The following EIF4E3 variants were observed in gnomAD, a reference collection of about 807,000 sequenced individuals.
The protein encoded by EIF4E3 is eukaryotic translation initiation factor 4E type 3.
EIF4E3 carries 26 observed loss-of-function variants against 31.7 expected under a neutral mutation model. That is an observed-to-expected ratio of 0.82 (90% CI 0.60 to 1.14). EIF4E3 has a LOEUF of 1.14. Among genes scored for constraint, EIF4E3 ranks in the 50% most tolerant of loss-of-function variants. The pLI is 0.00. For synonymous variants in EIF4E3, 128 were observed against 107.7 expected (o/e 1.19, Z -1.17); for missense variants, 304 against 270.9 (o/e 1.12, Z -0.86).
At chr3:71,696,594 T>G in intron 3 of EIF4E3, 74 bp from the exon 4 acceptor site, 24 of 1,532,976 alleles carry the variant, frequency 1.6e-5, no homozygotes, top group Non-Finnish European at 2.0e-5. Flanking sequence ...TAAATATCTC[T>G]TCATACATTT....
chr3:71,735,158 A>G (rs1201900338), intron 1 of EIF4E3, among the ~76,000 whole-genome samples: 1 of 152,232 alleles, frequency 6.6e-6, no homozygotes, highest in African/African-American at 2.4e-5. Flanking sequence ...TGTTCATCTC[A>G]TCTAAATGGG....
chr3:71,703,262 C>T (rs1478135696), intron 2 of EIF4E3, among the ~76,000 whole-genome samples: 2 of 152,146 alleles, frequency 1.3e-5, no homozygotes, highest in East Asian at 3.9e-4. Flanking sequence ...CAGCTTTTGA[C>T]CACAGCAATC....
intron 1 of EIF4E3, among the ~76,000 whole-genome samples, chr3:71,745,477 C>A (rs2049862176): frequency 6.6e-6 from 1 of 151,932 alleles, no homozygotes; most frequent in African/African-American, 2.4e-5. Flanking sequence ...ATGGATGTAC[C>A]CCCCAAATCG....
rs535213337 is a variant in EIF4E3 at position 71,681,092 on chromosome 3, T to G, written c.*3590A>C. 3.3e-5 allele frequency: 5 copies of G among 152,340 alleles called. No individual in the cohort carries two copies. The East Asian group carries it at 9.6e-4, about 29-fold the overall frequency. 9.4% of individuals were successfully genotyped at this position (152,340 alleles called of 1,614,324 possible). A position where few individuals can be genotyped will look rare whatever the true frequency, so the allele number is the denominator to read the frequency against. On this transcript the variant is annotated 3_prime_UTR_variant, in exon 7 of 7. Transcript: ENST00000425534. ...TCTTCCCAATCACTTATAAGGCCAA[T>G]GAGAGCCTAGGATTTGAGATATTTT...
chr3:71,746,640 C>T (rs1425648467), intron 1 of EIF4E3, among the ~76,000 whole-genome samples: 1 of 152,194 alleles, frequency 6.6e-6, no homozygotes, highest in African/African-American at 2.4e-5. Flanking sequence ...CCATAGGCCA[C>T]AGAGGTGACC....
the EIF4E3 span, among the ~76,000 whole-genome samples, chr3:71,663,340 A>C: frequency 2.7e-5 from 4 of 150,186 alleles, no homozygotes; most frequent in Non-Finnish European, 5.9e-5. Flanking sequence ...CAGAAAGTAA[A>C]TATTTGCTTT....
chr3:71,691,346 TA>T (rs1451992644), intron 5 of EIF4E3, among the ~76,000 whole-genome samples: 6 of 152,258 alleles, frequency 3.9e-5, no homozygotes. Flanking sequence ...TCCAATTTAC[TA>T]AAAGAAATAA....
rs1159585343 is a variant in EIF4E3, at chr3:71,679,749, C to T, written c.*4933G>A. On this transcript the variant is annotated 3_prime_UTR_variant, in exon 7 of 7. Transcript: ENST00000425534. ...GTTTAGTAACAGCTTTGCTAAGCTACGTTTTGAAAGTGACAATTAATTTTA... is the reference window on the plus strand; with the variant it reads ...GTTTAGTAACAGCTTTGCTAAGCTATGTTTTGAAAGTGACAATTAATTTTA... 1 of 152,066 alleles carries T rather than the reference C, an allele frequency of 6.6e-6. No individual in the cohort carries two copies. Among genetic ancestry groups the T allele is most frequent in the Admixed American group, 6.5e-5 (1 of 15,280 alleles). The allele number at this position is 152,066 out of a possible 1,614,324, so 9.4% of individuals were successfully genotyped here. A position where few individuals can be genotyped will look rare whatever the true frequency, so the allele number is the denominator to read the frequency against.
At chr3:71,661,112 A>G in the EIF4E3 span, among the ~76,000 whole-genome samples, 1 of 151,686 alleles carries the variant, frequency 6.6e-6, no homozygotes, top group Admixed American at 6.6e-5. Context: ...TTTAAATATA[A>G]TAATTGTTAT....
chr3:71,690,075 G>T lies in EIF4E3; in HGVS notation c.563C>A (p.Ala188Glu). Reference protein sequence around the residue: ...WNVNASLVGEATVLEKIYELL... With the variant: ...WNVNASLVGEETVLEKIYELL... Reference sequence around the variant, plus strand: ...TTCATAGATCTTTTCTAAAACAGTCGCTTCACCCACTAAAGAGGCATTTAC... The same window carrying T: ...TTCATAGATCTTTTCTAAAACAGTCTCTTCACCCACTAAAGAGGCATTTAC... Residue 188 changes from alanine (A) to glutamate (E), a missense_variant, in exon 6 of 7, where the codon GCG (alanine) becomes GAG (glutamate). Coordinates refer to ENST00000425534, the MANE Select transcript of EIF4E3 (RefSeq NM_001134651.2). 1 of 1,613,556 alleles carries T rather than the reference G, an allele frequency of 6.2e-7. No homozygotes were observed. Among genetic ancestry groups the T allele is most frequent in the African/African-American group, 1.3e-5 (1 of 74,878 alleles).
upstream of EIF4E3, among the ~76,000 whole-genome samples, chr3:71,729,824 G>GTGTGTGTGTC (rs2049684796): frequency 6.6e-6 from 1 of 151,508 alleles, no homozygotes; most frequent in Non-Finnish European, 1.5e-5. Context: ...GTGTGTGTGT[G>GTGTGTGTGTC]TGTGTGTGTG....
At chr3:71,704,017 T>C (rs1363866551) in intron 2 of EIF4E3, among the ~76,000 whole-genome samples, 1 of 152,198 alleles carries the variant, frequency 6.6e-6, no homozygotes, top group Non-Finnish European at 1.5e-5. Flanking sequence ...AAGAGTTTAA[T>C]GGATGTTTTT....
intron 1 of EIF4E3, among the ~76,000 whole-genome samples, chr3:71,719,008 A>G (rs2049505682): frequency 6.6e-6 from 1 of 152,190 alleles, no homozygotes; most frequent in African/African-American, 2.4e-5. Flanking sequence ...AACTCAATGA[A>G]CAAGGATGAC....
intron 2 of EIF4E3, among the ~76,000 whole-genome samples, chr3:71,705,898 G>A (rs1234109217): frequency 2.0e-5 from 3 of 152,138 alleles, no homozygotes; most frequent in Admixed American, 2.0e-4. Flanking sequence ...GAGTAGCTGA[G>A]ATCACAGGCA....
intron 1 of EIF4E3, among the ~76,000 whole-genome samples, chr3:71,739,423 T>TA (rs1206493301): frequency 1.3e-5 from 2 of 151,008 alleles, no homozygotes; most frequent in Admixed American, 1.3e-4. Context: ...AGGCTGGGAG[T>TA]AGTTGCTCAT....
Position 71,725,205 on chromosome 3 carries a change from A to C in EIF4E3, c.163T>G (p.Phe55Val). The C allele has an allele frequency of 8.9e-7, 1 of 1,124,030 alleles. No homozygotes were observed. The highest frequency in any genetic ancestry group is 1.1e-6 in the Non-Finnish European group (1 of 915,658). 69.6% of individuals were successfully genotyped at this position (1,124,030 alleles called of 1,614,324 possible). A position where few individuals can be genotyped will look rare whatever the true frequency, so the allele number is the denominator to read the frequency against. The stretch of plus-strand genomic sequence containing the variant: ...GCGCCCCCTCACCTGTCGAGCCAGA[A>C]GGTCCAGGACGAGTGCAGCGGGACC... ...GGVPLHSSWTFWLDRSLPGAT... is the reference protein window; with the variant it reads ...GGVPLHSSWTVWLDRSLPGAT... The change falls in exon 1 of 7, where the codon TTC becomes GTC. Residue 55 changes from phenylalanine to valine, a missense_variant. Phe to Val is a conservative substitution (Grantham distance 50). Coordinates refer to ENST00000425534, the MANE Select transcript of EIF4E3 (RefSeq NM_001134651.2). The surrounding 1 kb of genome is among the most constrained non-coding windows in gnomAD (Gnocchi z 6.1).
chr3:71,739,283 A>G (rs1162732853), intron 1 of EIF4E3, among the ~76,000 whole-genome samples: 4 of 152,020 alleles, frequency 2.6e-5, no homozygotes, highest in African/African-American at 9.7e-5. Context: ...AAAATTAATA[A>G]AATCAAAACA....
chr3:71,686,929 C>A (rs1334576232), intron 6 of EIF4E3, among the ~76,000 whole-genome samples: 1 of 152,176 alleles, frequency 6.6e-6, no homozygotes, highest in Non-Finnish European at 1.5e-5. Context: ...AGTTGGCAAA[C>A]ATTTTCAGGA....
chr3:71,693,811 C>A, intron 5 of EIF4E3, 64 bp downstream of exon 5: 2 of 1,386,028 alleles, frequency 1.4e-6, no homozygotes, highest in Non-Finnish European at 1.9e-6. Flanking sequence ...CAAGCTGCTG[C>A]AAGAAACAAG....
Sources: allele counts gnomAD v4.1 joint callset (sites outside exome capture counted in the v4.1 genomes callset), GRCh38; gene constraint gnomAD v4.1.1; non-coding constraint Gnocchi (gnomAD v3.1); transcripts MANE v1.5; gene names NCBI Gene and HGNC (gene_info 2026-07-23, HGNC 2026-07-21).